The following HTRA1 variants were observed in gnomAD, a reference collection of about 807,000 sequenced individuals.
HTRA1 encodes the protein HtrA serine peptidase 1.
Under a neutral mutation model 49.7 loss-of-function variants are expected in HTRA1, and 26 were observed. The ratio of observed to expected loss-of-function variants is 0.52; its 90% CI spans 0.38 to 0.73. HTRA1 has a LOEUF of 0.73. Ranked by LOEUF, HTRA1 falls within the 30% of genes least tolerant of loss-of-function variation. The pLI is 0.00. For synonymous variants in HTRA1, 291 were observed against 286.9 expected (o/e 1.01, Z -0.14); for missense variants, 561 against 667.2 (o/e 0.84, Z 1.75).
rs1052162158 is a variant in HTRA1, at chr10:122,490,259, A to G, written c.777+633A>G. ...CCTACAAAAGGGTGTTGACTGAACT[A>G]TTTGCCCAAATTATAATCATTTGAG... On this transcript the variant is annotated intron_variant, in intron 3 of 8. Coordinates refer to ENST00000368984, the MANE Select transcript of HTRA1 (RefSeq NM_002775.5). The surrounding 1 kb of genome is among the most constrained non-coding windows in gnomAD (Gnocchi z 4.2). 6.6e-6 allele frequency among the ~76,000 whole-genome samples: 1 copy of G among 152,168 alleles called. No individual in the cohort carries two copies. The highest frequency in any genetic ancestry group is 6.5e-5 in the Admixed American group (1 of 15,282).
chr10:122,477,544 A>C (rs1388184731), intron 1 of HTRA1, among the ~76,000 whole-genome samples: 3 of 152,218 alleles, frequency 2.0e-5, no homozygotes, highest in African/African-American at 7.2e-5. Flanking sequence ...TCACTGAGCC[A>C]TTCCCAAAGA....
Position 122,464,695 on chromosome 10 carries a change from G to A in HTRA1, c.472+2571G>A, listed in dbSNP as rs573219649. The stretch of plus-strand genomic sequence containing the variant: ...TTCGGAGGTGTTTCCGAGGACAGGC[G>A]CCTGGGAGCCAGCAGACTTCATTCA... On this transcript the variant is annotated intron_variant, in intron 1 of 8. Transcript: ENST00000368984. The surrounding 1 kb of genome is among the most constrained non-coding windows in gnomAD (Gnocchi z 4.8). Among the ~76,000 whole-genome samples, 1 of 152,310 alleles carries A rather than the reference G, an allele frequency of 6.6e-6. No homozygotes were observed. The highest frequency in any genetic ancestry group is 1.5e-5 in the Non-Finnish European group (1 of 68,030).
chr10:122,513,892 T>TC (rs2097506743), intron 8 of HTRA1, among the ~76,000 whole-genome samples: 1 of 99,422 alleles, frequency 1.0e-5, no homozygotes, highest in Admixed American at 8.8e-5. Flanking sequence ...CAAACCTGGC[T>TC]CTTTTTTTTT....
rs528999876 is a variant in HTRA1, at chr10:122,511,556, AC to A, written c.1179-411del. On this transcript the variant is annotated intron_variant, in intron 7 of 8. Transcript: ENST00000368984. ...GAGACCAGCCTGGCCAATTTGTGAA[AC>A]CCTGTTTCTACTAAAAATATAAAAA... 1.1e-4 allele frequency among the ~76,000 whole-genome samples: 17 copies of A among 152,094 alleles called. No homozygotes were observed. In the South Asian group the frequency reaches 3.3e-3, roughly 30 times the overall value.
At chr10:122,466,205 G>A (rs553685289) in intron 1 of HTRA1, among the ~76,000 whole-genome samples, 145 of 152,092 alleles carry the variant, frequency 9.5e-4, no homozygotes, top group African/African-American at 2.6e-3. Flanking sequence ...TCGTTCTGTC[G>A]CCTACGCTGG....
At chr10:122,482,746 C>T (rs533742684) in intron 1 of HTRA1, among the ~76,000 whole-genome samples, 30 of 144,710 alleles carry the variant, frequency 2.1e-4, no homozygotes, top group African/African-American at 6.2e-4. Context: ...GGTGAAACCC[C>T]ATCTCTACTA....
At chr10:122,489,044 A>G in intron 2 of HTRA1, 43 bp downstream of exon 2, 7 of 1,357,716 alleles carry the variant, frequency 5.2e-6, no homozygotes, top group Non-Finnish European at 7.4e-6. Context: ...CGAAGCTTTC[A>G]CCGCCACTAG....
At chr10:122,484,553 G>A (rs1381237834) in intron 1 of HTRA1, among the ~76,000 whole-genome samples, 2 of 152,208 alleles carry the variant, frequency 1.3e-5, no homozygotes, top group East Asian at 1.9e-4. Context: ...CCTATGCAGA[G>A]CTGCCACTGA....
rs183593552 is a variant in HTRA1 at position 122,509,855 on chromosome 10, T to A, written c.1121-241T>A. Among the ~76,000 whole-genome samples the A allele has an allele frequency of 5.3e-5, 8 of 152,214 alleles. No homozygotes were observed. In the East Asian group the frequency reaches 1.5e-3, roughly 29 times the overall value. On this transcript the variant is annotated intron_variant, in intron 6 of 8. Coordinates refer to ENST00000368984, the MANE Select transcript of HTRA1 (RefSeq NM_002775.5). ...AGCAAGCTTGGGGAAGGGCCAGCTG[T>A]CAGGATGAGGCCATGAGGAATTAAG...
At chr10:122,468,997 G>A (rs994478159) in intron 1 of HTRA1, among the ~76,000 whole-genome samples, 3 of 152,186 alleles carry the variant, frequency 2.0e-5, no homozygotes, top group Non-Finnish European at 2.9e-5. Flanking sequence ...ATCCTCCGCA[G>A]CATCCCGTGA....
chr10:122,486,481 A>G (rs1345344422), intron 1 of HTRA1, among the ~76,000 whole-genome samples: 2 of 152,248 alleles, frequency 1.3e-5, no homozygotes, highest in Non-Finnish European at 2.9e-5. Flanking sequence ...GGGCTAGGAC[A>G]GAAAACGGCC....
At position 122,461,742 on chromosome 10, in the gene HTRA1, G is replaced by A; in HGVS notation, c.90G>A (p.Ser30=). The A allele has an allele frequency of 8.7e-7, 1 of 1,144,648 alleles. No homozygotes were observed. 70.9% of individuals were successfully genotyped at this position (1,144,648 alleles called of 1,614,324 possible). The change falls in exon 1 of 9, where the codon TCG becomes TCA. Residue 30 remains serine, a synonymous_variant. Transcript: ENST00000368984. ...CGCAGCTGTCCCGGGCCGGCCGCTC[G>A]GCGCCTTTGGCCGCCGGGTGCCCAG... ...ASAQLSRAGR[S]APLAAGCPDR... is the part of the protein sequence containing the mutation.
At chr10:122,489,376 A>T in intron 2 of HTRA1, 46 bp from the exon 3 acceptor site, 1 of 1,556,560 alleles carries the variant, frequency 6.4e-7, no homozygotes, top group Non-Finnish European at 8.9e-7. Flanking sequence ...TGAAGCGTTC[A>T]TTTTAAGGTG....
chr10:122,467,548 C>T (rs1402967468), intron 1 of HTRA1, among the ~76,000 whole-genome samples: 2 of 152,168 alleles, frequency 1.3e-5, no homozygotes, highest in South Asian at 2.1e-4. Context: ...AGGCTGGCAT[C>T]GAATAGATGT....
chr10:122,496,587 G>A (rs186526001), intron 3 of HTRA1, among the ~76,000 whole-genome samples: 2 of 152,224 alleles, frequency 1.3e-5, no homozygotes, highest in Non-Finnish European at 2.9e-5. Context: ...ATGGCGATAA[G>A]TACAGTGCAC....
intron 1 of HTRA1, among the ~76,000 whole-genome samples, chr10:122,479,394 C>T (rs1039644436): frequency 2.0e-5 from 3 of 152,176 alleles, no homozygotes; most frequent in African/African-American, 7.2e-5. Context: ...ATTTAATTCT[C>T]TGATCCTTGT....
At chr10:122,480,420 G>T (rs1398716306) in intron 1 of HTRA1, among the ~76,000 whole-genome samples, 1 of 152,168 alleles carries the variant, frequency 6.6e-6, no homozygotes, top group Non-Finnish European at 1.5e-5. Flanking sequence ...GGGTCCTGCA[G>T]GGGCAATGAA....
chr10:122,462,204 T>C lies in HTRA1; in HGVS notation c.472+80T>C, dbSNP rs552372559. ...TGCTTCTGCGGGACTGGTGGGCAGG[T>C]TGAGGGGCAGCGAAGCGTTGTGGGG... On this transcript the variant is annotated intron_variant, in intron 1 of 8. Transcript: ENST00000368984. The C allele has an allele frequency of 6.7e-4, 830 of 1,237,384 alleles. 1 individual carries two copies. Among genetic ancestry groups the C allele is most frequent in the Middle Eastern group, 5.2e-3 (23 of 4,442 alleles). 76.7% of individuals were successfully genotyped at this position (1,237,384 alleles called of 1,614,324 possible). A position where few individuals can be genotyped will look rare whatever the true frequency, so the allele number is the denominator to read the frequency against.
At chr10:122,478,359 C>T (rs865963901) in intron 1 of HTRA1, among the ~76,000 whole-genome samples, 3 of 150,340 alleles carry the variant, frequency 2.0e-5, no homozygotes, top group South Asian at 2.1e-4. Context: ...TATCAGCCCC[C>T]GCAGACTGCT....
Sources: gnomAD v4.1 joint callset for allele counts (sites outside exome capture counted in the v4.1 genomes callset) on GRCh38, gnomAD v4.1.1 for gene constraint, Gnocchi (gnomAD v3.1) non-coding constraint, MANE v1.5 for transcripts, NCBI Gene and HGNC (gene_info 2026-07-23, HGNC 2026-07-21) for gene names.